Variants in CACNA1D observed in about 807,000 individuals in gnomAD.
CACNA1D encodes the protein calcium voltage-gated channel subunit alpha1 D.
A neutral mutation model predicts 257.1 loss-of-function variants in CACNA1D; 55 were observed. The ratio of observed to expected loss-of-function variants is 0.21; its 90% CI spans 0.17 to 0.27. The LOEUF (loss-of-function observed/expected upper bound fraction) is 0.27, where lower values mean the gene tolerates loss of function less well. CACNA1D is among the 10% of genes least tolerant of loss of function. The pLI is 1.00. For synonymous variants in CACNA1D, 980 were observed against 1,014.9 expected (o/e 0.97, Z 0.65); for missense variants, 1,876 against 2,784.0 (o/e 0.67, Z 7.34).
At chr3:53,594,886 G>T (rs1335462889) in intron 3 of CACNA1D, among the ~76,000 whole-genome samples, 1 of 152,206 alleles carries the variant, frequency 6.6e-6, no homozygotes, top group African/African-American at 2.4e-5. Flanking sequence ...CAGAAATAAA[G>T]TCCCTTGAGA....
chr3:53,652,848 T>C (rs969521273), intron 4 of CACNA1D, among the ~76,000 whole-genome samples: 2 of 152,266 alleles, frequency 1.3e-5, no homozygotes, highest in Non-Finnish European at 2.9e-5. Context: ...CCTAAAATAT[T>C]TAAATATTTA....
At chr3:53,749,748 C>T (rs1454087064) in intron 27 of CACNA1D, among the ~76,000 whole-genome samples, 2 of 152,240 alleles carry the variant, frequency 1.3e-5, no homozygotes, top group Non-Finnish European at 2.9e-5. Context: ...TCATGACCCA[C>T]TAGTGATGTA....
intron 3 of CACNA1D, among the ~76,000 whole-genome samples, chr3:53,589,691 C>G (rs1300717733): frequency 2.0e-5 from 3 of 152,152 alleles, no homozygotes; most frequent in African/African-American, 7.2e-5. Context: ...CTTACTGCAG[C>G]CTTGAACTCC....
At chr3:53,522,139 A>G (rs1284625542) in intron 3 of CACNA1D, among the ~76,000 whole-genome samples, 2 of 152,236 alleles carry the variant, frequency 1.3e-5, no homozygotes, top group Admixed American at 6.5e-5. Flanking sequence ...CTGGGGGAAA[A>G]AAAACCACAT....
intron 3 of CACNA1D, among the ~76,000 whole-genome samples, chr3:53,593,818 G>A (rs1375754185): frequency 1.3e-5 from 2 of 152,198 alleles, no homozygotes; most frequent in African/African-American, 2.4e-5. Flanking sequence ...TTATCTGCCT[G>A]CTACAGGGCT....
At chr3:53,527,406 T>C (rs1021816853) in intron 3 of CACNA1D, among the ~76,000 whole-genome samples, 3 of 152,264 alleles carry the variant, frequency 2.0e-5, no homozygotes, top group Non-Finnish European at 4.4e-5. Context: ...CCTTTGTTCA[T>C]TGGCTTGATT....
chr3:53,638,085 G>C (rs2108175254), intron 3 of CACNA1D, among the ~76,000 whole-genome samples: 1 of 152,354 alleles, frequency 6.6e-6, no homozygotes, highest in African/African-American at 2.4e-5. Flanking sequence ...ACGTTCGTAT[G>C]AAAGAGTAGT....
chr3:53,762,663 A>G lies in CACNA1D; in HGVS notation c.3870+582A>G, dbSNP rs750430938. 238 of 456,458 alleles carry G rather than the reference A, an allele frequency of 5.2e-4. 2 individuals carry two copies. Among genetic ancestry groups the G allele is most frequent in the South Asian group, 1.2e-3 (78 of 64,494 alleles). The allele number at this position is 456,458 out of a possible 1,614,324, so 28.3% of individuals were successfully genotyped here. A position where few individuals can be genotyped will look rare whatever the true frequency, so the allele number is the denominator to read the frequency against. ...AGTAGCAAACTTTGTGTCCTATATCATGGTTGTTTTCATTAAGTCTGACAT... is the reference window on the plus strand; with the variant it reads ...AGTAGCAAACTTTGTGTCCTATATCGTGGTTGTTTTCATTAAGTCTGACAT... On this transcript the variant is annotated intron_variant, in intron 30 of 47. Coordinates refer to ENST00000350061, the MANE Select transcript of CACNA1D (RefSeq NM_001128840.3).
intron 3 of CACNA1D, among the ~76,000 whole-genome samples, chr3:53,601,894 AGGGACGG>A (rs959488148): frequency 2.6e-5 from 4 of 152,024 alleles, no homozygotes; most frequent in Non-Finnish European, 5.9e-5. Flanking sequence ...TATTTTTAGT[AGGGACGG>A]GGTTTCACCA....
intron 8 of CACNA1D, among the ~76,000 whole-genome samples, chr3:53,680,545 G>C (rs566724711): frequency 6.6e-6 from 1 of 152,282 alleles, no homozygotes; most frequent in East Asian, 1.9e-4. Context: ...GAGGGTATTA[G>C]TGTTGCAGGG....
At chr3:53,615,645 C>T (rs1261105475) in intron 3 of CACNA1D, among the ~76,000 whole-genome samples, 2 of 152,194 alleles carry the variant, frequency 1.3e-5, no homozygotes, top group African/African-American at 2.4e-5. Flanking sequence ...AGAGGAGCCA[C>T]CCTCACTTTC....
intron 47 of CACNA1D, 58 bp downstream of exon 47, chr3:53,810,356 C>CTG: frequency 6.5e-7 from 1 of 1,543,602 alleles, no homozygotes; most frequent in Non-Finnish European, 9.0e-7. Context: ...AGAGGTGCAA[C>CTG]TGTAACAGCA....
chr3:53,719,911 C>CA, intron 11 of CACNA1D, 130 bp downstream of exon 11: 1 of 882,570 alleles, frequency 1.1e-6, no homozygotes, highest in Non-Finnish European at 1.9e-6. Flanking sequence ...TACTGAATTG[C>CA]AGTCAGTCAA....
At chr3:53,807,712 G>A (rs926684464) in intron 45 of CACNA1D, 1 of 152,362 alleles carries the variant, frequency 6.6e-6, no homozygotes, top group Admixed American at 6.5e-5. Context: ...CTGATCTCCC[G>A]GGCCTGGTGC....
intron 30 of CACNA1D, among the ~76,000 whole-genome samples, chr3:53,762,879 C>G (rs1259928654): frequency 1.3e-5 from 2 of 152,320 alleles, no homozygotes; most frequent in Non-Finnish European, 1.5e-5. Flanking sequence ...TTCAAAAGAT[C>G]TAATTAAAGT....
At chr3:53,539,341 C>T (rs186996355) in intron 3 of CACNA1D, among the ~76,000 whole-genome samples, 1 of 152,088 alleles carries the variant, frequency 6.6e-6, no homozygotes, top group Admixed American at 6.5e-5. Context: ...AACTCCTGAC[C>T]TCGTGATCTG....
intron 29 of CACNA1D, among the ~76,000 whole-genome samples, chr3:53,761,122 C>T (rs1230052259): frequency 2.6e-5 from 4 of 152,104 alleles, no homozygotes; most frequent in Non-Finnish European, 5.9e-5. Flanking sequence ...ATTGCAGAGA[C>T]ATCAGGAGGT....
chr3:53,571,344 C>T (rs1210881335), intron 3 of CACNA1D, among the ~76,000 whole-genome samples: 3 of 152,164 alleles, frequency 2.0e-5, no homozygotes, highest in East Asian at 1.9e-4. Context: ...ACCTGACAAA[C>T]GATTCACAAA....
At chr3:53,531,950 G>A (rs1175017037) in intron 3 of CACNA1D, among the ~76,000 whole-genome samples, 4 of 152,016 alleles carry the variant, frequency 2.6e-5, no homozygotes, top group Non-Finnish European at 5.9e-5. Context: ...AATAACAGGT[G>A]TGTGCTTGCT....
Sources: allele counts gnomAD v4.1 joint callset (sites outside exome capture counted in the v4.1 genomes callset), GRCh38; gene constraint gnomAD v4.1.1; transcripts MANE v1.5; gene names NCBI Gene and HGNC (gene_info 2026-07-23, HGNC 2026-07-21).